EPAS1: variants seen among roughly 807,000 people sequenced by gnomAD.
The protein encoded by EPAS1 is endothelial PAS domain-containing protein 1.
Under a neutral mutation model 87.9 loss-of-function variants are expected in EPAS1, and 23 were observed. That is an observed-to-expected ratio of 0.26 (90% CI 0.19 to 0.37). The LOEUF (loss-of-function observed/expected upper bound fraction) is 0.37, where lower values mean the gene tolerates loss of function less well. EPAS1 is among the 10% of genes least tolerant of loss of function. The pLI is 1.00. For missense variants in EPAS1, 1,138 were observed against 1,120.7 expected, an observed-to-expected ratio of 1.02 and a Z score of -0.22; for synonymous variants, 508 against 444.3, an observed-to-expected ratio of 1.14 and a Z score of -1.80.
intron 2 of EPAS1, among the ~76,000 whole-genome samples, chr2:46,353,994 G>A (rs1004314821): frequency 1.3e-5 from 2 of 152,220 alleles, no homozygotes; most frequent in Non-Finnish European, 2.9e-5. Context: ...CTGTGACTCT[G>A]GCGTGTTCTC....
rs535312522 is a variant in EPAS1 at position 46,326,322 on chromosome 2, G to A, written c.27-20551G>A. Among the ~76,000 whole-genome samples the A allele has an allele frequency of 4.4e-5, 6 of 137,718 alleles. No homozygotes were observed. In the East Asian group the frequency reaches 1.2e-3, roughly 27 times the overall value. The allele number at this position is 137,718 out of a possible 152,430, so 90.3% of individuals were successfully genotyped here. On this transcript the variant is annotated intron_variant, in intron 1 of 15. Transcript: ENST00000263734. Reference sequence around the variant, plus strand: ...TTCGACTATCAAGATTTCCTGGAGTGGCTTAAGTATGGGCGCCAGGATGCA... The same window carrying A: ...TTCGACTATCAAGATTTCCTGGAGTAGCTTAAGTATGGGCGCCAGGATGCA...
chr2:46,380,039 C>G lies in EPAS1; in HGVS notation c.1555-188C>G. 1.2e-6 allele frequency: 1 copy of G among 843,548 alleles called. No homozygotes were observed. Among genetic ancestry groups the G allele is most frequent in the Non-Finnish European group, 2.0e-6 (1 of 506,312 alleles). The allele number at this position is 843,548 out of a possible 1,614,324, so 52.3% of individuals were successfully genotyped here. A position where few individuals can be genotyped will look rare whatever the true frequency, so the allele number is the denominator to read the frequency against. On this transcript the variant is annotated intron_variant, in intron 11 of 15. Transcript: ENST00000263734. The surrounding 1 kb of genome is among the most constrained non-coding windows in gnomAD (Gnocchi z 4.4). ...CATGGGGGAAGGCTGGTACATGATA[C>G]AAGGTCGTGTACATGACACAGCCAA... is the stretch of plus-strand genomic sequence containing the variant.
At chr2:46,324,755 A>G (rs1360566420) in intron 1 of EPAS1, among the ~76,000 whole-genome samples, 1 of 152,262 alleles carries the variant, frequency 6.6e-6, no homozygotes, top group East Asian at 1.9e-4. Context: ...ACTGCACCTT[A>G]TAAAAGGCTT....
intron 6 of EPAS1, among the ~76,000 whole-genome samples, chr2:46,366,370 A>C (rs914218315): frequency 6.6e-6 from 1 of 152,232 alleles, no homozygotes; most frequent in Non-Finnish European, 1.5e-5. Flanking sequence ...CTCACTCTGA[A>C]GTCCAGTGCT....
intron 6 of EPAS1, among the ~76,000 whole-genome samples, chr2:46,366,671 A>C (rs1264479303): frequency 6.6e-6 from 1 of 152,192 alleles, no homozygotes; most frequent in Non-Finnish European, 1.5e-5. Flanking sequence ...GGGTGACCTC[A>C]AACTGATTTT....
intron 1 of EPAS1, among the ~76,000 whole-genome samples, chr2:46,344,274 C>T (rs974317385): frequency 6.6e-6 from 1 of 152,356 alleles, no homozygotes; most frequent in Admixed American, 6.5e-5. Flanking sequence ...GGCTTTTCCT[C>T]TCTGCCTCTT....
chr2:46,317,657 A>G lies in EPAS1; in HGVS notation c.26+19720A>G, dbSNP rs143859057. 5.4e-3 allele frequency among the ~76,000 whole-genome samples: 817 copies of G among 152,314 alleles called. 6 individuals carry two copies. Among genetic ancestry groups the G allele is most frequent in the African/African-American group, 0.019 (779 of 41,550 alleles). ...TAAGAGAGTCAGCCTGTCCTTTGAA[A>G]CTAGGGATTGACTTCTCCCCTCTTG... On this transcript the variant is annotated intron_variant, in intron 1 of 15. Transcript: ENST00000263734.
At chr2:46,298,134 C>G (rs1049291195) in intron 1 of EPAS1, among the ~76,000 whole-genome samples, 197 bp downstream of exon 1, 2 of 152,140 alleles carry the variant, frequency 1.3e-5, no homozygotes, top group Admixed American at 1.3e-4. Context: ...GTGGAGACTT[C>G]TGCGGCTCGG....
rs1409037824 is a variant in EPAS1 at position 46,346,827 on chromosome 2, G to C, written c.27-46G>C. 6.2e-7 allele frequency: 1 copy of C among 1,607,818 alleles called. No individual in the cohort carries two copies. The highest frequency in any genetic ancestry group is 8.5e-7 in the Non-Finnish European group (1 of 1,175,906). ...GGATGTCCTGGCCAGAGGTATGATA[G>C]GCTGACAGTAACCTTTCCGGGACTA... On this transcript the variant is annotated intron_variant, in intron 1 of 15. Coordinates refer to ENST00000263734, the MANE Select transcript of EPAS1 (RefSeq NM_001430.5). The surrounding 1 kb of genome is among the most constrained non-coding windows in gnomAD (Gnocchi z 4.0).
intron 14 of EPAS1, 106 bp downstream of exon 14, chr2:46,382,195 T>A: frequency 2.5e-6 from 3 of 1,176,622 alleles, no homozygotes; most frequent in African/African-American, 1.5e-5. Context: ...TACCTGCCTC[T>A]CTGAGCCTTG....
chr2:46,334,618 A>G (rs1683752430), intron 1 of EPAS1, among the ~76,000 whole-genome samples: 3 of 152,134 alleles, frequency 2.0e-5, no homozygotes, highest in African/African-American at 7.2e-5. Context: ...CCTCTCTGCA[A>G]GCTCCCTGAG....
intron 1 of EPAS1, among the ~76,000 whole-genome samples, chr2:46,302,696 G>T (rs572373482): frequency 7.1e-6 from 1 of 141,676 alleles, no homozygotes; most frequent in African/African-American, 2.7e-5. Flanking sequence ...AGAAATAGGG[G>T]ATATGGTCCT....
At position 46,360,598 on chromosome 2, in the gene EPAS1, A is replaced by C; in HGVS notation, c.455-40A>C. 6.3e-7 allele frequency: 1 copy of C among 1,576,340 alleles called. No individual in the cohort carries two copies. Reference sequence around the variant, plus strand: ...GCCCCTCTCATGAATATCCATATAAAACTGACTTCAGCTGGTTCTTCCCAT... The same window carrying C: ...GCCCCTCTCATGAATATCCATATAACACTGACTTCAGCTGGTTCTTCCCAT... On this transcript the variant is annotated intron_variant, in intron 4 of 15. Coordinates refer to ENST00000263734, the MANE Select transcript of EPAS1 (RefSeq NM_001430.5). The surrounding 1 kb of genome is among the most constrained non-coding windows in gnomAD (Gnocchi z 4.5).
chr2:46,354,871 T>G (rs1472040127), intron 2 of EPAS1, among the ~76,000 whole-genome samples: 3 of 152,162 alleles, frequency 2.0e-5, no homozygotes, highest in African/African-American at 7.2e-5. Context: ...GATGGGCCTC[T>G]CTTCAGTCCT....
chr2:46,373,456 A>G (rs969549691), intron 7 of EPAS1, among the ~76,000 whole-genome samples: 2 of 152,254 alleles, frequency 1.3e-5, no homozygotes, highest in Non-Finnish European at 2.9e-5. Context: ...ATGAAAAGGA[A>G]TAAACCACAA....
intron 1 of EPAS1, chr2:46,335,748 C>G (rs1336764368): frequency 6.6e-6 from 1 of 152,078 alleles, no homozygotes; most frequent in Non-Finnish European, 1.5e-5. Context: ...ACGCCCTGCT[C>G]ATGAAAGAGC....
At position 46,353,080 on chromosome 2, in the gene EPAS1, G is replaced by T. The variant is rs1047582348; in HGVS notation, c.218-3071G>T. On this transcript the variant is annotated intron_variant, in intron 2 of 15. Transcript: ENST00000263734. Reference sequence around the variant, plus strand: ...TACCACTGAGATCAAAGAAATTGAAGAGAAAATATCTTCTCGGTTGGCTAG... The same window carrying T: ...TACCACTGAGATCAAAGAAATTGAATAGAAAATATCTTCTCGGTTGGCTAG... Among the ~76,000 whole-genome samples the T allele has an allele frequency of 2.0e-5, 3 of 152,218 alleles. No homozygotes were observed. In the East Asian group the frequency reaches 5.8e-4, roughly 29 times the overall value.
Position 46,346,645 on chromosome 2 carries a change from C to T in EPAS1, c.27-228C>T, listed in dbSNP as rs991790379. Reference sequence around the variant, plus strand: ...ATGTGAAGCCCTGTTCTGGCCTCCACAGGGAATGCAAGAGGAGGACTTTGG... The same window carrying T: ...ATGTGAAGCCCTGTTCTGGCCTCCATAGGGAATGCAAGAGGAGGACTTTGG... On this transcript the variant is annotated intron_variant, in intron 1 of 15. Transcript: ENST00000263734. The surrounding 1 kb of genome is among the most constrained non-coding windows in gnomAD (Gnocchi z 4.0). 6.6e-6 allele frequency among the ~76,000 whole-genome samples: 1 copy of T among 152,200 alleles called. No individual in the cohort carries two copies. Among genetic ancestry groups the T allele is most frequent in the Non-Finnish European group, 1.5e-5 (1 of 68,030 alleles).
chr2:46,377,275 G>A (rs924786384), intron 9 of EPAS1, among the ~76,000 whole-genome samples: 3 of 152,214 alleles, frequency 2.0e-5, no homozygotes, highest in African/African-American at 7.2e-5. Context: ...GCCTGTCCCT[G>A]GGGATGTAAG....
Sources: allele counts gnomAD v4.1 joint callset (sites outside exome capture counted in the v4.1 genomes callset), GRCh38; gene constraint gnomAD v4.1.1; non-coding constraint Gnocchi (gnomAD v3.1); transcripts MANE v1.5; gene names NCBI Gene and HGNC (gene_info 2026-07-23, HGNC 2026-07-21).